Variants in PRKN observed in about 807,000 individuals in gnomAD.
The protein encoded by PRKN is parkin RBR E3 ubiquitin protein ligase.
PRKN carries 56 observed loss-of-function variants against 59.5 expected under a neutral mutation model. The observed-to-expected ratio is 0.94, with a 90% CI of 0.76 to 1.18. PRKN has a LOEUF of 1.18. Among genes scored for constraint, PRKN ranks in the 50% most tolerant of loss-of-function variants. The pLI is 0.00. For synonymous variants in PRKN, 250 were observed against 222.1 expected (o/e 1.13, Z -1.12); for missense variants, 657 against 596.4 (o/e 1.10, Z -1.06).
chr6:161,491,223 G>C (rs971295259), intron 9 of PRKN, among the ~76,000 whole-genome samples: 4 of 152,256 alleles, frequency 2.6e-5, no homozygotes, highest in Admixed American at 2.0e-4. Context: ...AGAAAACTTC[G>C]TATGGACAGT....
At chr6:162,367,560 G>T (rs1389142730) in intron 2 of PRKN, among the ~76,000 whole-genome samples, 1 of 152,070 alleles carries the variant, frequency 6.6e-6, no homozygotes, top group East Asian at 1.9e-4. Flanking sequence ...GACCATCTCT[G>T]ATTTCATTCA....
intron 1 of PRKN, among the ~76,000 whole-genome samples, chr6:162,574,308 G>C (rs1056729026): frequency 1.3e-5 from 2 of 152,156 alleles, no homozygotes; most frequent in Admixed American, 6.5e-5. Context: ...CTATTTTAAG[G>C]CTAAAGGAAA....
intron 4 of PRKN, among the ~76,000 whole-genome samples, chr6:162,089,738 T>C (rs1421594221): frequency 6.6e-6 from 1 of 152,154 alleles, no homozygotes; most frequent in Non-Finnish European, 1.5e-5. Flanking sequence ...AAGTCGCAAA[T>C]ATGGATGAAC....
intron 1 of PRKN, among the ~76,000 whole-genome samples, chr6:162,695,275 A>G (rs1350313693): frequency 1.3e-5 from 2 of 152,218 alleles, no homozygotes; most frequent in Non-Finnish European, 2.9e-5. Flanking sequence ...TTTCTGGGTC[A>G]CAGAAATTCA....
intron 4 of PRKN, among the ~76,000 whole-genome samples, chr6:162,132,845 GGA>G (rs1781421746): frequency 6.6e-6 from 1 of 152,172 alleles, no homozygotes. Flanking sequence ...CCATCTTAGA[GGA>G]GACGGCTTAG....
intron 1 of PRKN, among the ~76,000 whole-genome samples, chr6:162,682,553 G>A (rs1779812174): frequency 6.6e-6 from 1 of 152,110 alleles, no homozygotes; most frequent in South Asian, 2.1e-4. Context: ...GCTAAACATT[G>A]AATACACATA....
intron 3 of PRKN, among the ~76,000 whole-genome samples, chr6:162,229,147 C>T (rs557816185): frequency 6.6e-6 from 1 of 152,288 alleles, no homozygotes; most frequent in South Asian, 2.1e-4. Context: ...GTCTCCCTGA[C>T]TCATCTGCCT....
intron 6 of PRKN, among the ~76,000 whole-genome samples, chr6:161,872,913 A>C (rs1794402368): frequency 6.6e-6 from 1 of 150,868 alleles, no homozygotes; most frequent in Non-Finnish European, 1.5e-5. Context: ...AGTTATTCCA[A>C]TTTTGGGTCC....
chr6:162,289,554 G>A (rs1018619472), intron 2 of PRKN, among the ~76,000 whole-genome samples: 12 of 151,822 alleles, frequency 7.9e-5, no homozygotes, highest in African/African-American at 2.7e-4. Context: ...AAAATTAGCC[G>A]GGCATGATGG....
chr6:162,010,685 A>C (rs1219323922), intron 5 of PRKN, among the ~76,000 whole-genome samples: 1 of 5,734 alleles, frequency 1.7e-4, no homozygotes, highest in Non-Finnish European at 2.1e-4. Context: ...TATATATTAT[A>C]TAATATATTA....
Position 162,502,971 on chromosome 6 carries a change from A to G in PRKN, c.8-59498T>C, listed in dbSNP as rs4708964. ...AGTTAAAGGATCTAAATATAGAAAT[A>G]GTTTCGTATATTATCTTTCTTAATA... On this transcript the variant is annotated intron_variant, in intron 1 of 11. Coordinates refer to ENST00000366898, the MANE Select transcript of PRKN (RefSeq NM_004562.3). 2.2e-3 allele frequency among the ~76,000 whole-genome samples: 329 copies of G among 152,048 alleles called. 8 individuals carry two copies. Among genetic ancestry groups the G allele is most frequent in the Admixed American group, 0.016 (250 of 15,254 alleles).
chr6:161,747,392 T>C (rs1788477089), intron 7 of PRKN, among the ~76,000 whole-genome samples: 1 of 145,776 alleles, frequency 6.9e-6, no homozygotes, highest in Non-Finnish European at 1.5e-5. Context: ...AAGTGATATG[T>C]TTCTCTTTTT....
rs71278571 is a variant in PRKN, at chr6:161,497,577, T to TCACACACACACA, written c.1083+51265_1083+51276dup. 6.8e-6 allele frequency among the ~76,000 whole-genome samples: 1 copy of TCACACACACACA among 147,388 alleles called. No homozygotes were observed. The highest frequency in any genetic ancestry group is 2.5e-5 in the African/African-American group (1 of 39,682). On this transcript the variant is annotated intron_variant, in intron 9 of 11. Transcript: ENST00000366898. This position sits in a 1 kb window ranked among gnomAD's most constrained non-coding sequence, Gnocchi z 4.6. ...ATGTCTCTCTCTCTCTCTCTCTCTC[T>TCACACACACACA]CACACACACACACACACACACCATA... is the stretch of plus-strand genomic sequence containing the variant.
At chr6:162,344,583 G>C (rs955229245) in intron 2 of PRKN, among the ~76,000 whole-genome samples, 2 of 151,352 alleles carry the variant, frequency 1.3e-5, no homozygotes, top group African/African-American at 4.9e-5. Flanking sequence ...CCTGGCCCTT[G>C]TCCATTCTGA....
intron 3 of PRKN, among the ~76,000 whole-genome samples, chr6:162,242,691 T>G (rs1330393810): frequency 6.6e-6 from 1 of 152,174 alleles, no homozygotes; most frequent in Non-Finnish European, 1.5e-5. Flanking sequence ...AACTTTGAGG[T>G]ACATCTGGAC....
chr6:162,656,675 T>G (rs1211015105), intron 1 of PRKN, among the ~76,000 whole-genome samples: 1 of 152,222 alleles, frequency 6.6e-6, no homozygotes, highest in Non-Finnish European at 1.5e-5. Context: ...AGTATTAGTT[T>G]TGAAGAGCAC....
chr6:162,273,630 A>G lies in PRKN; in HGVS notation c.172-10865T>C, dbSNP rs191378326. ...GATGTTTTTGGAAACCGAGTTTTTC[A>G]CAGTGGCTGAAGAAGGTGAGAAGGA... On this transcript the variant is annotated intron_variant, in intron 2 of 11. Coordinates refer to ENST00000366898, the MANE Select transcript of PRKN (RefSeq NM_004562.3). Among the ~76,000 whole-genome samples the G allele has an allele frequency of 2.9e-3, 444 of 152,330 alleles. 3 individuals are homozygous for G. Among genetic ancestry groups the G allele is most frequent in the African/African-American group, 0.01 (426 of 41,586 alleles).
chr6:162,439,930 A>G (rs1789973328), intron 2 of PRKN, among the ~76,000 whole-genome samples: 1 of 152,178 alleles, frequency 6.6e-6, no homozygotes, highest in Non-Finnish European at 1.5e-5. Context: ...GAGGGGAGAT[A>G]AAAGTATACA....
At chr6:162,112,568 A>C (rs1179408219) in intron 4 of PRKN, among the ~76,000 whole-genome samples, 3 of 152,104 alleles carry the variant, frequency 2.0e-5, no homozygotes, top group African/African-American at 7.2e-5. Flanking sequence ...TGCACTCCCC[A>C]ACCTGAATTG....
Sources: gnomAD v4.1 joint callset for allele counts (sites outside exome capture counted in the v4.1 genomes callset) on GRCh38, gnomAD v4.1.1 for gene constraint, Gnocchi (gnomAD v3.1) non-coding constraint, MANE v1.5 for transcripts, NCBI Gene and HGNC (gene_info 2026-07-23, HGNC 2026-07-21) for gene names.